Variants in LOC128092252 observed in about 807,000 individuals in gnomAD.
the LOC128092252 span, among the ~76,000 whole-genome samples, chr15:50,679,532 A>AT: frequency 6.3e-4 from 21 of 33,372 alleles, no homozygotes; most frequent in African/African-American, 1.8e-3. Flanking sequence ...ATATATATAT[A>AT]TATATATTTT....
chr15:50,678,093 C>T, the LOC128092252 span, among the ~76,000 whole-genome samples: 2 of 150,886 alleles, frequency 1.3e-5, no homozygotes, highest in South Asian at 4.2e-4. Flanking sequence ...TACAAAAAAT[C>T]AGCCGGGCGT....
the LOC128092252 span, among the ~76,000 whole-genome samples, chr15:50,683,747 C>CA: frequency 8.6e-5 from 13 of 151,634 alleles, no homozygotes; most frequent in African/African-American, 2.4e-4. Flanking sequence ...ACAACAACAA[C>CA]AAAAAAAACA....
chr15:50,678,240 AAAAAAAAAAAAC>A, the LOC128092252 span, among the ~76,000 whole-genome samples: 6 of 56,840 alleles, frequency 1.1e-4, no homozygotes, highest in Non-Finnish European at 2.4e-4. Flanking sequence ...ACTCTCTCTC[AAAAAAAAAAAAC>A]AAAAACAAAA....
At chr15:50,660,769 T>C in the LOC128092252 span, among the ~76,000 whole-genome samples, 1 of 152,204 alleles carries the variant, frequency 6.6e-6, no homozygotes, top group African/African-American at 2.4e-5. Context: ...TGATCATTTA[T>C]ATTCCTTTAA....
the LOC128092252 span, among the ~76,000 whole-genome samples, chr15:50,668,297 T>C: frequency 1.3e-5 from 2 of 152,228 alleles, no homozygotes; most frequent in African/African-American, 4.8e-5. Context: ...TGAATTAATG[T>C]AAGACTCATC....
At chr15:50,682,703 A>T in the LOC128092252 span, among the ~76,000 whole-genome samples, 1 of 152,326 alleles carries the variant, frequency 6.6e-6, no homozygotes, top group South Asian at 2.1e-4. Flanking sequence ...AAAGTACAAG[A>T]GGTCCAATTC....
chr15:50,680,843 T>C, the LOC128092252 span, among the ~76,000 whole-genome samples: 1 of 152,254 alleles, frequency 6.6e-6, no homozygotes, highest in Non-Finnish European at 1.5e-5. Flanking sequence ...GGTCAACACC[T>C]ACTCTACCAC....
the LOC128092252 span, among the ~76,000 whole-genome samples, chr15:50,670,997 T>C: frequency 3.3e-5 from 5 of 152,158 alleles, no homozygotes; most frequent in Non-Finnish European, 7.3e-5. Context: ...GGGGCTACTA[T>C]ACATTGCGGA....
the LOC128092252 span, among the ~76,000 whole-genome samples, chr15:50,679,234 C>T: frequency 4.0e-5 from 6 of 150,996 alleles, no homozygotes; most frequent in African/African-American, 1.5e-4. Context: ...ACTTGGGAGG[C>T]TGAAGTGGCA....
At chr15:50,674,687 G>C in the LOC128092252 span, among the ~76,000 whole-genome samples, 1 of 152,002 alleles carries the variant, frequency 6.6e-6, no homozygotes, top group African/African-American at 2.4e-5. Flanking sequence ...CTTTCAGCTT[G>C]AAGAAATTCT....
the LOC128092252 span, among the ~76,000 whole-genome samples, chr15:50,649,448 AAAAG>A: frequency 2.6e-3 from 390 of 151,950 alleles, no homozygotes; most frequent in Non-Finnish European, 4.6e-3. Flanking sequence ...AAAAAAAAAA[AAAAG>A]AAAGAAAGAA....
the LOC128092252 span, among the ~76,000 whole-genome samples, chr15:50,663,529 A>T: frequency 2.0e-5 from 3 of 152,138 alleles, no homozygotes; most frequent in African/African-American, 7.2e-5. Flanking sequence ...TTAAATCCCA[A>T]GTGACCTAGG....
the LOC128092252 span, among the ~76,000 whole-genome samples, chr15:50,666,004 A>C: frequency 6.6e-6 from 1 of 151,906 alleles, no homozygotes; most frequent in Non-Finnish European, 1.5e-5. Context: ...AAAAATAATA[A>C]TTTAAAAAAA....
chr15:50,665,965 C>G, the LOC128092252 span, among the ~76,000 whole-genome samples: 1 of 151,916 alleles, frequency 6.6e-6, no homozygotes, highest in Non-Finnish European at 1.5e-5. Context: ...TGCACTCCAG[C>G]CTGGGCAACA....
At chr15:50,679,539 T>TATA in the LOC128092252 span, among the ~76,000 whole-genome samples, 14 of 22,292 alleles carry the variant, frequency 6.3e-4, no homozygotes, top group African/African-American at 2.3e-3. Flanking sequence ...TATATATATA[T>TATA]TTTTTTTTTT....
chr15:50,682,414 C>A, the LOC128092252 span, among the ~76,000 whole-genome samples: 1 of 151,716 alleles, frequency 6.6e-6, no homozygotes, highest in Non-Finnish European at 1.5e-5. Flanking sequence ...CCCATCTCTA[C>A]TAAAAATATA....
At chr15:50,657,865 T>G in the LOC128092252 span, 1 of 1,532,784 alleles carries the variant, frequency 6.5e-7, no homozygotes, top group African/African-American at 1.4e-5. Context: ...GTGAAAAACT[T>G]TCTGATTTTA....
At chr15:50,659,859 G>A in the LOC128092252 span, among the ~76,000 whole-genome samples, 318 of 152,146 alleles carry the variant, frequency 2.1e-3, 3 homozygotes, top group Admixed American at 0.012. Flanking sequence ...GTAGAGACGC[G>A]GTTTCACCAT....
the LOC128092252 span, chr15:50,686,617 T>C: frequency 1.9e-6 from 3 of 1,565,146 alleles, no homozygotes; most frequent in Non-Finnish European, 2.6e-6. Context: ...GGGAAGCGTC[T>C]CCGGAGGCGG....
Sources: allele counts gnomAD v4.1 joint callset (sites outside exome capture counted in the v4.1 genomes callset), GRCh38; gene constraint gnomAD v4.1.1; transcripts MANE v1.5.